Variants in CSMD1 observed in about 807,000 individuals in gnomAD.
CSMD1 encodes CUB and sushi domain-containing protein 1.
In CSMD1, 213 loss-of-function variants were observed where a neutral mutation model predicts 417.5. That is an observed-to-expected ratio of 0.51 (90% CI 0.46 to 0.57). The LOEUF (loss-of-function observed/expected upper bound fraction) is 0.57. Ranked by LOEUF, CSMD1 falls within the 20% of genes least tolerant of loss-of-function variation. The pLI, the probability that CSMD1 is intolerant of heterozygous loss-of-function variation, is 0.00. For missense variants in CSMD1, 6,923 were observed against 4,529.7 expected, an observed-to-expected ratio of 1.53 and a Z score of -15.17; for synonymous variants, 2,862 against 1,736.8, an observed-to-expected ratio of 1.65 and a Z score of -16.11.
At chr8:3,691,515 C>A (rs6983391) in intron 7 of CSMD1, among the ~76,000 whole-genome samples, 136,140 of 152,254 alleles carry the variant, frequency 0.89, 61,114 homozygotes, top group East Asian at 0.99. Context: ...GAAACTTGGC[C>A]TAGCCAAGGA....
chr8:4,682,760 G>C (rs964252802), intron 1 of CSMD1, among the ~76,000 whole-genome samples: 1 of 151,232 alleles, frequency 6.6e-6, no homozygotes, highest in South Asian at 2.1e-4. Flanking sequence ...TGAAAAAATA[G>C]TTTAAATCCT....
intron 10 of CSMD1, among the ~76,000 whole-genome samples, chr8:3,573,881 C>T (rs995600943): frequency 6.6e-6 from 1 of 151,698 alleles, no homozygotes; most frequent in African/African-American, 2.4e-5. Context: ...AGTTTCCTCA[C>T]AGTTTTTTTT....
chr8:3,863,465 A>G (rs899781636), intron 5 of CSMD1, among the ~76,000 whole-genome samples: 1 of 151,664 alleles, frequency 6.6e-6, no homozygotes, highest in Non-Finnish European at 1.5e-5. Context: ...GTCTCTTCCC[A>G]ATGACCCCAT....
At chr8:4,426,836 A>ATATTATGT (rs1469002084) in intron 2 of CSMD1, among the ~76,000 whole-genome samples, 2 of 151,110 alleles carry the variant, frequency 1.3e-5, no homozygotes, top group Non-Finnish European at 2.9e-5. Flanking sequence ...ATAGTATACT[A>ATATTATGT]TATTATGTAC....
intron 1 of CSMD1, among the ~76,000 whole-genome samples, chr8:4,834,978 AAAGAAAGAAAG>A (rs1447911068): frequency 2.8e-3 from 59 of 21,052 alleles, no homozygotes; most frequent in African/African-American, 4.5e-3. Context: ...AAAAAAAAAA[AAAGAAAGAAAG>A]AAAGAAAGAA....
rs560382754 is a variant in CSMD1, at chr8:4,255,654, A to G, written c.415+164299T>C. On this transcript the variant is annotated intron_variant, in intron 3 of 69. Transcript: ENST00000635120. ...CCTCGCACTGCATCATTTATTTTGGACTTTGCTAATATGTATTACGTGAAG... is the reference window on the plus strand; with the variant it reads ...CCTCGCACTGCATCATTTATTTTGGGCTTTGCTAATATGTATTACGTGAAG... Among the ~76,000 whole-genome samples, 7 of 152,278 alleles carry G rather than the reference A, an allele frequency of 4.6e-5. No individual in the cohort carries two copies. The South Asian group carries it at 1.5e-3, about 32-fold the overall frequency.
chr8:3,132,510 T>A (rs527556307), intron 41 of CSMD1, among the ~76,000 whole-genome samples: 2 of 152,144 alleles, frequency 1.3e-5, no homozygotes, highest in South Asian at 4.1e-4. Flanking sequence ...GTCACTTTGA[T>A]GAGTTCAGTC....
intron 3 of CSMD1, among the ~76,000 whole-genome samples, chr8:4,070,592 C>T (rs897734384): frequency 5.9e-5 from 9 of 152,088 alleles, no homozygotes; most frequent in East Asian, 3.9e-4. Flanking sequence ...CTCCTGACCT[C>T]GTGATCCACC....
intron 3 of CSMD1, among the ~76,000 whole-genome samples, chr8:4,093,944 A>C (rs1800854681): frequency 6.6e-6 from 1 of 151,580 alleles, no homozygotes; most frequent in Non-Finnish European, 1.5e-5. Flanking sequence ...TGAGCAAAAG[A>C]GTGACTGAGA....
chr8:4,384,985 A>G (rs908058716), intron 3 of CSMD1, among the ~76,000 whole-genome samples: 2 of 152,126 alleles, frequency 1.3e-5, no homozygotes, highest in Non-Finnish European at 2.9e-5. Context: ...CAATGGCGCA[A>G]TCTCGATCTC....
intron 11 of CSMD1, among the ~76,000 whole-genome samples, chr8:3,480,074 A>C (rs1817648086): frequency 6.6e-6 from 1 of 152,052 alleles, no homozygotes; most frequent in Admixed American, 6.6e-5. Flanking sequence ...CAAATGGAAA[A>C]GGGGCCGGGA....
At chr8:3,800,132 T>C (rs1800377559) in intron 5 of CSMD1, among the ~76,000 whole-genome samples, 2 of 152,148 alleles carry the variant, frequency 1.3e-5, no homozygotes, top group South Asian at 4.1e-4. Context: ...ATTTATATTG[T>C]GTATGAGTTG....
chr8:4,505,983 A>T (rs1320642048), intron 2 of CSMD1, among the ~76,000 whole-genome samples: 1 of 151,906 alleles, frequency 6.6e-6, no homozygotes, highest in Non-Finnish European at 1.5e-5. Flanking sequence ...ATTTTAGTGG[A>T]GATGGGGTGT....
chr8:3,149,562 C>T (rs1265004520), intron 40 of CSMD1, among the ~76,000 whole-genome samples: 1 of 152,178 alleles, frequency 6.6e-6, no homozygotes, highest in Non-Finnish European at 1.5e-5. Flanking sequence ...ACTGCAACCT[C>T]CACCTCCCGG....
chr8:3,886,105 C>G (rs2627356), intron 5 of CSMD1, among the ~76,000 whole-genome samples: 7,610 of 152,054 alleles, frequency 0.05, 631 homozygotes, highest in African/African-American at 0.17. Context: ...TGCTGGAGCA[C>G]AGTGCTGCGA....
intron 1 of CSMD1, among the ~76,000 whole-genome samples, chr8:4,872,004 G>C (rs1056390207): frequency 6.6e-6 from 1 of 152,044 alleles, no homozygotes; most frequent in East Asian, 1.9e-4. Context: ...GAAACACATC[G>C]TGCTGATCAT....
chr8:3,857,208 G>A (rs1007811819), intron 5 of CSMD1, among the ~76,000 whole-genome samples: 1 of 152,158 alleles, frequency 6.6e-6, no homozygotes, highest in Non-Finnish European at 1.5e-5. Context: ...TTGTACAGGA[G>A]GGAGTAATTA....
At chr8:3,008,508 T>G (rs10087149) in intron 52 of CSMD1, among the ~76,000 whole-genome samples, 13,299 of 152,258 alleles carry the variant, frequency 0.087, 724 homozygotes, top group East Asian at 0.13. Context: ...GGTCTTTTAG[T>G]GTAAGTTATA....
At chr8:4,822,146 T>C (rs942467441) in intron 1 of CSMD1, among the ~76,000 whole-genome samples, 9 of 152,126 alleles carry the variant, frequency 5.9e-5, no homozygotes, top group Non-Finnish European at 1.2e-4. Context: ...TTAAATGTTA[T>C]AAGCCTCTGA....
Sources: allele counts gnomAD v4.1 joint callset (sites outside exome capture counted in the v4.1 genomes callset), GRCh38; gene constraint gnomAD v4.1.1; transcripts MANE v1.5; gene names NCBI Gene and HGNC (gene_info 2026-07-23, HGNC 2026-07-21).